The following KIAA0753 variants were observed in gnomAD, a reference collection of about 807,000 sequenced individuals.
The protein encoded by KIAA0753 is protein moonraker.
A neutral mutation model predicts 116.9 loss-of-function variants in KIAA0753; 114 were observed. That is an observed-to-expected ratio of 0.98 (90% CI 0.84 to 1.14). The LOEUF (loss-of-function observed/expected upper bound fraction) is 1.14. Ranked by LOEUF, KIAA0753 falls within the 50% of genes most tolerant of loss-of-function variation. The pLI, the probability that KIAA0753 is intolerant of heterozygous loss-of-function variation, is 0.00. For synonymous variants in KIAA0753, 405 were observed against 413.1 expected (o/e 0.98, Z 0.24); for missense variants, 1,156 against 1,172.4 (o/e 0.99, Z 0.20).
At chr17:6,624,702 A>G in intron 4 of KIAA0753, 53 bp downstream of exon 4, 1 of 1,150,114 alleles carries the variant, frequency 8.7e-7, no homozygotes, top group Non-Finnish European at 1.3e-6. Flanking sequence ...GAAACTCTCT[A>G]AGGAAGCAGT....
intron 18 of KIAA0753, among the ~76,000 whole-genome samples, chr17:6,582,902 T>C (rs1270348488): frequency 3.9e-5 from 6 of 152,252 alleles, no homozygotes; most frequent in Non-Finnish European, 5.9e-5. Flanking sequence ...TCTTACATAC[T>C]ATTGTTACTG....
At chr17:6,597,929 C>A (rs747551540) in intron 14 of KIAA0753, among the ~76,000 whole-genome samples, 1 of 152,212 alleles carries the variant, frequency 6.6e-6, no homozygotes, top group African/African-American at 2.4e-5. Context: ...TCATTCAGTT[C>A]TTTGTAAACA....
chr17:6,620,990 T>A lies in KIAA0753; in HGVS notation c.1113A>T (p.Glu371Asp). Residue 371 changes from glutamate (E) to aspartate (D), a missense_variant, in exon 7 of 19, where the codon GAA (glutamate) becomes GAT (aspartate). Glu to Asp is a conservative substitution (Grantham distance 45, BLOSUM62 2). Coordinates refer to ENST00000361413, the MANE Select transcript of KIAA0753 (RefSeq NM_014804.3). ...IDILQQIEAL[E>D]SLLEKKLSPK... ...GTGACAGTTTCTTTTCCAGGAGAGA[T>A]TCCAAAGCCTGCCACAAAAACAATC... 6.2e-7 allele frequency: 1 copy of A among 1,612,322 alleles called. No homozygotes were observed. Among genetic ancestry groups the A allele is most frequent in the Non-Finnish European group, 8.5e-7 (1 of 1,179,790 alleles).
chr17:6,624,966 T>C, intron 3 of KIAA0753, 105 bp from the exon 4 acceptor site: 1 of 775,274 alleles, frequency 1.3e-6, no homozygotes, highest in Non-Finnish European at 2.1e-6. Context: ...AGATCTCTGG[T>C]TTTATTAAGA....
chr17:6,623,298 C>T (rs542959779), intron 5 of KIAA0753, among the ~76,000 whole-genome samples: 1 of 152,148 alleles, frequency 6.6e-6, no homozygotes, highest in Admixed American at 6.5e-5. Flanking sequence ...ATTTTTTATA[C>T]CAGCAGCAAC....
At position 6,623,535 on chromosome 17, in the gene KIAA0753, G is replaced by A. The variant is rs781115646; in HGVS notation, c.862C>T (p.Pro288Ser). 6.2e-6 allele frequency: 10 copies of A among 1,609,414 alleles called. No individual in the cohort carries two copies. The highest frequency in any genetic ancestry group is 8.5e-6 in the Non-Finnish European group (10 of 1,177,124). Residue 288 changes from proline to serine, a missense_variant, in exon 5 of 19, where the codon CCA becomes TCA. Coordinates refer to ENST00000361413, the MANE Select transcript of KIAA0753 (RefSeq NM_014804.3). ...EIQEELDKLS[P>S]HKIKHTKKSW... is the part of the protein sequence containing the mutation. ...TTCTTAGTGTGTTTAATTTTATGTGGACTCAATTTATCCAATTCTTCCTGG... is the reference window on the plus strand; with the variant it reads ...TTCTTAGTGTGTTTAATTTTATGTGAACTCAATTTATCCAATTCTTCCTGG...
At chr17:6,630,475 G>T (rs900597194) in intron 2 of KIAA0753, among the ~76,000 whole-genome samples, 2 of 151,748 alleles carry the variant, frequency 1.3e-5, no homozygotes, top group Middle Eastern at 3.2e-3. Flanking sequence ...TAATTAAAAA[G>T]ATTTAGCACA....
At chr17:6,599,136 G>A (rs1292416626) in intron 14 of KIAA0753, 101 bp downstream of exon 14, 5 of 786,960 alleles carry the variant, frequency 6.4e-6, no homozygotes, top group Admixed American at 2.0e-5. Context: ...TCTTGAGTAG[G>A]ATAATCTAGT....
intron 16 of KIAA0753, among the ~76,000 whole-genome samples, chr17:6,591,012 A>AGAAGGAAGAAG (rs139880428): frequency 1.2e-5 from 1 of 84,678 alleles, no homozygotes; most frequent in Non-Finnish European, 2.4e-5. Flanking sequence ...AGAAGAAGGA[A>AGAAGGAAGAAG]GAAGAAGGAA....
At chr17:6,627,262 C>T (rs1474927901) in intron 3 of KIAA0753, among the ~76,000 whole-genome samples, 1 of 152,166 alleles carries the variant, frequency 6.6e-6, no homozygotes, top group Non-Finnish European at 1.5e-5. Flanking sequence ...CTTATTGTTT[C>T]CTTTGCCACA....
intron 3 of KIAA0753, among the ~76,000 whole-genome samples, chr17:6,625,528 G>A (rs561479706): frequency 4.1e-4 from 62 of 151,700 alleles, no homozygotes; most frequent in Middle Eastern, 3.4e-3. Context: ...TTAGCCAGGC[G>A]TGGTGGTGTG....
intron 18 of KIAA0753, among the ~76,000 whole-genome samples, chr17:6,587,280 A>AG (rs1377163272): frequency 6.6e-6 from 1 of 152,216 alleles, no homozygotes; most frequent in Non-Finnish European, 1.5e-5. Context: ...AAAATGAAAC[A>AG]GAGCTAGACT....
chr17:6,582,926 T>C (rs6502961), intron 18 of KIAA0753, among the ~76,000 whole-genome samples: 47,787 of 152,200 alleles, frequency 0.31, 8,472 homozygotes, highest in Admixed American at 0.4. Context: ...ATTTTAAACG[T>C]GTGAGTACAC....
intron 18 of KIAA0753, among the ~76,000 whole-genome samples, chr17:6,587,226 C>T (rs1416292438): frequency 6.6e-6 from 1 of 151,446 alleles, no homozygotes; most frequent in African/African-American, 2.4e-5. Context: ...AGTGAGACTC[C>T]ATCTAAAATA....
Position 6,628,173 on chromosome 17 carries a change from C to T in KIAA0753, c.662G>A (p.Arg221Gln), listed in dbSNP as rs374787616. Residue 221 changes from arginine to glutamine, a missense_variant, in exon 3 of 19, where the codon CGA becomes CAA. Physicochemically the swap from Arg to Gln is conservative, Grantham distance 43. Coordinates refer to ENST00000361413, the MANE Select transcript of KIAA0753 (RefSeq NM_014804.3). ...ACAACTGCTCAGTTCTTTCTGGAGT[C>T]GCTGGACTTCTAGCAGGCTTTTCTG... ...SEQKSLLEVQRLQKELSSCIH... is the reference protein window; with the variant it reads ...SEQKSLLEVQQLQKELSSCIH... The T allele has an allele frequency of 7.4e-6, 12 of 1,614,000 alleles. No homozygotes were observed. The highest frequency in any genetic ancestry group is 1.3e-5 in the African/African-American group (1 of 74,920).
chr17:6,612,249 T>C (rs1970603882), intron 7 of KIAA0753, 101 bp from the exon 8 acceptor site: 5 of 809,626 alleles, frequency 6.2e-6, no homozygotes, highest in Non-Finnish European at 9.9e-6. Flanking sequence ...ATACCTATCC[T>C]AGCCCTGCTG....
rs1379735421 is a variant in KIAA0753, at chr17:6,589,779, C to G, written c.2786G>C (p.Ser929Thr). The change falls in exon 18 of 19, where the codon AGC (serine) becomes ACC (threonine). Residue 929 changes from serine (S) to threonine (T), a missense_variant and splice_region_variant. Transcript: ENST00000361413. ...GSFNPWLIAE[S>T]FSEELVDEAL... ...CAGAGGACCGTAACATTTTACTGAC[C>G]TTTCAGCTATCAGCCACGGGTTGAA... 1.3e-6 allele frequency: 2 copies of G among 1,596,562 alleles called. No individual in the cohort carries two copies. Among genetic ancestry groups the G allele is most frequent in the Non-Finnish European group, 1.7e-6 (2 of 1,175,382 alleles).
At chr17:6,615,534 G>A (rs1970843900) in intron 7 of KIAA0753, among the ~76,000 whole-genome samples, 1 of 140,106 alleles carries the variant, frequency 7.1e-6, no homozygotes, top group Admixed American at 8.0e-5. Flanking sequence ...AGAATGGTGT[G>A]AACCCGCGAG....
intron 7 of KIAA0753, among the ~76,000 whole-genome samples, chr17:6,616,994 TTCTC>T (rs1292774608): frequency 1.3e-5 from 2 of 152,300 alleles, no homozygotes; most frequent in African/African-American, 2.4e-5. Context: ...GTTTTCCAGC[TTCTC>T]TCTGACACTG....
Sources: allele counts gnomAD v4.1 joint callset (sites outside exome capture counted in the v4.1 genomes callset), GRCh38; gene constraint gnomAD v4.1.1; transcripts MANE v1.5; gene names NCBI Gene and HGNC (gene_info 2026-07-23, HGNC 2026-07-21).